The following SLC1A2 variants were observed in gnomAD, a reference collection of about 807,000 sequenced individuals.
SLC1A2 encodes the protein solute carrier family 1 member 2.
Under a neutral mutation model 48.8 loss-of-function variants are expected in SLC1A2, and 15 were observed. The ratio of observed to expected loss-of-function variants is 0.31; its 90% CI spans 0.21 to 0.47. SLC1A2 has a LOEUF of 0.47. SLC1A2 is among the 20% of genes least tolerant of loss of function. SLC1A2 has a pLI of 0.99. For synonymous variants in SLC1A2, 279 were observed against 272.6 expected (o/e 1.02, Z -0.23); for missense variants, 502 against 730.5 (o/e 0.69, Z 3.61).
At chr11:35,363,723 C>T (rs925715363) in intron 1 of SLC1A2, among the ~76,000 whole-genome samples, 2 of 152,122 alleles carry the variant, frequency 1.3e-5, no homozygotes, top group African/African-American at 4.8e-5. Context: ...CTCCAGGACA[C>T]GTGGCTGACA....
intron 1 of SLC1A2, among the ~76,000 whole-genome samples, chr11:35,372,231 T>C (rs1424231030): frequency 6.6e-6 from 1 of 152,190 alleles, no homozygotes; most frequent in Non-Finnish European, 1.5e-5. Context: ...CAGATGCATC[T>C]TTCACTCATT....
At chr11:35,404,130 G>GGC (rs148872433) in intron 1 of SLC1A2, among the ~76,000 whole-genome samples, 2 of 151,642 alleles carry the variant, frequency 1.3e-5, no homozygotes, top group Admixed American at 1.3e-4. Flanking sequence ...ATTTTGAAAA[G>GGC]AAATACCTGT....
At chr11:35,355,394 T>C (rs1853419413) in intron 1 of SLC1A2, among the ~76,000 whole-genome samples, 1 of 152,210 alleles carries the variant, frequency 6.6e-6, no homozygotes, top group Non-Finnish European at 1.5e-5. Flanking sequence ...TTGATGGCTT[T>C]TTTTCTGTGT....
rs542355400 is a variant in SLC1A2, at chr11:35,285,152, T to C, written c.1286+1605A>G. ...AGTCAATAAAAACACTATTCTAATG[T>C]CTTTTTTTGAGTCACAGTCAGAAAG... On this transcript the variant is annotated intron_variant, in intron 8 of 10. Transcript: ENST00000278379. Among the ~76,000 whole-genome samples, 3 of 152,358 alleles carry C rather than the reference T, an allele frequency of 2.0e-5. No individual in the cohort carries two copies. In the South Asian group the frequency reaches 6.2e-4, roughly 32 times the overall value.
intron 1 of SLC1A2, among the ~76,000 whole-genome samples, chr11:35,342,514 T>TG (rs1272630873): frequency 1.2e-4 from 7 of 59,782 alleles, no homozygotes; most frequent in African/African-American, 4.5e-4. Context: ...CTCAAATGAG[T>TG]GTTTTTTTTG....
intron 6 of SLC1A2, among the ~76,000 whole-genome samples, chr11:35,300,426 A>G (rs61882293): frequency 0.22 from 32,919 of 152,176 alleles, 3,920 homozygotes; most frequent in Admixed American, 0.28. Flanking sequence ...CATCTGGGAG[A>G]TGATTAGGTG....
chr11:35,278,579 G>A (rs1267446532), intron 9 of SLC1A2, among the ~76,000 whole-genome samples: 1 of 152,080 alleles, frequency 6.6e-6, no homozygotes, highest in Non-Finnish European at 1.5e-5. Flanking sequence ...AAGCCCTGTT[G>A]TCTGCACCAA....
intron 1 of SLC1A2, among the ~76,000 whole-genome samples, chr11:35,343,815 C>T (rs1425464243): frequency 6.6e-6 from 1 of 151,864 alleles, no homozygotes; most frequent in African/African-American, 2.4e-5. Context: ...GGCACACACA[C>T]ACATTTTTAC....
chr11:35,411,679 A>G (rs1215614209), intron 1 of SLC1A2, among the ~76,000 whole-genome samples: 1 of 148,754 alleles, frequency 6.7e-6, no homozygotes, highest in Non-Finnish European at 1.5e-5. Flanking sequence ...TTAGCTTTCC[A>G]TGATATCTAA....
At chr11:35,370,980 A>G in intron 1 of SLC1A2, 1 of 985,360 alleles carries the variant, frequency 1.0e-6, no homozygotes, top group Non-Finnish European at 1.2e-6. Flanking sequence ...CTGCCAGGGT[A>G]CAGACAGTCC....
intron 10 of SLC1A2, chr11:35,264,868 G>A (rs1950454208): frequency 6.6e-6 from 1 of 152,212 alleles, no homozygotes. Flanking sequence ...ACTTGTGCTA[G>A]GTACATCAGA....
At chr11:35,281,111 C>T in intron 8 of SLC1A2, 110 bp from the exon 9 acceptor site, 2 of 1,404,736 alleles carry the variant, frequency 1.4e-6, no homozygotes, top group Non-Finnish European at 1.9e-6. Context: ...CATCCCCCAA[C>T]CCCCACCCCA....
chr11:35,356,915 A>G (rs1853491667), intron 1 of SLC1A2, among the ~76,000 whole-genome samples: 1 of 152,186 alleles, frequency 6.6e-6, no homozygotes, highest in Non-Finnish European at 1.5e-5. Flanking sequence ...GCTCATTTTT[A>G]TGGCAAGCAT....
At chr11:35,405,602 G>T (rs1855263967) in intron 1 of SLC1A2, among the ~76,000 whole-genome samples, 1 of 152,090 alleles carries the variant, frequency 6.6e-6, no homozygotes, top group Admixed American at 6.5e-5. Context: ...ACAGAGGATG[G>T]GCTCAAAGAT....
At chr11:35,304,199 G>A (rs566545363) in intron 5 of SLC1A2, among the ~76,000 whole-genome samples, 1 of 152,248 alleles carries the variant, frequency 6.6e-6, no homozygotes, top group South Asian at 2.1e-4. Flanking sequence ...CCCCAGTAGA[G>A]CCAAAGGTCC....
intron 3 of SLC1A2, among the ~76,000 whole-genome samples, chr11:35,313,092 G>A (rs927569587): frequency 6.6e-6 from 1 of 151,556 alleles, no homozygotes; most frequent in African/African-American, 2.4e-5. Context: ...TATTTTTTTT[G>A]GTCTTAACAT....
chr11:35,317,613 A>C, intron 1 of SLC1A2, 97 bp from the exon 2 acceptor site: 2 of 1,393,432 alleles, frequency 1.4e-6, no homozygotes, highest in Non-Finnish European at 2.0e-6. Flanking sequence ...GCACAGTTGG[A>C]ATCTGGAACC....
intron 9 of SLC1A2, among the ~76,000 whole-genome samples, chr11:35,273,193 C>T (rs1045664027): frequency 2.0e-5 from 3 of 152,104 alleles, no homozygotes; most frequent in African/African-American, 4.8e-5. Flanking sequence ...ATGCATGGTG[C>T]GAAGGGACTG....
chr11:35,318,000 G>A (rs143945655), intron 1 of SLC1A2, among the ~76,000 whole-genome samples: 1,680 of 152,174 alleles, frequency 0.011, 22 homozygotes, highest in Middle Eastern at 0.024. Flanking sequence ...ACATGTAAAC[G>A]TCACAAACAC....
Sources: gnomAD v4.1 joint callset for allele counts (sites outside exome capture counted in the v4.1 genomes callset) on GRCh38, gnomAD v4.1.1 for gene constraint, MANE v1.5 for transcripts, NCBI Gene and HGNC (gene_info 2026-07-23, HGNC 2026-07-21) for gene names.